The following PLEKHA5 variants were observed in gnomAD, a reference collection of about 807,000 sequenced individuals.
PLEKHA5 encodes the protein pleckstrin homology domain containing A5.
In PLEKHA5, 55 loss-of-function variants were observed where a neutral mutation model predicts 181.9. The observed-to-expected ratio is 0.30, with a 90% CI of 0.24 to 0.38. The LOEUF (loss-of-function observed/expected upper bound fraction) is 0.38. Ranked by LOEUF, PLEKHA5 falls within the 10% of genes least tolerant of loss-of-function variation. The probability of loss-of-function intolerance (pLI) is 1.00; values close to 1 mark genes in which losing one functional copy is unlikely to be tolerated. For synonymous variants in PLEKHA5, 535 were observed against 529.4 expected, an observed-to-expected ratio of 1.01 and a Z score of -0.15; for missense variants, 1,432 against 1,549.5, an observed-to-expected ratio of 0.92 and a Z score of 1.27.
At chr12:19,174,204 G>A (rs1025626335) in intron 3 of PLEKHA5, among the ~76,000 whole-genome samples, 2 of 152,138 alleles carry the variant, frequency 1.3e-5, no homozygotes, top group Non-Finnish European at 2.9e-5. Flanking sequence ...AAGGGGCATG[G>A]TACTATTCTG....
intron 3 of PLEKHA5, among the ~76,000 whole-genome samples, chr12:19,164,724 A>C (rs4486681): frequency 0.9 from 136,736 of 152,074 alleles, 62,094 homozygotes; most frequent in Non-Finnish European, 0.97. Flanking sequence ...TTATATCCTT[A>C]ATGTGTGCTT....
chr12:19,306,696 C>G, intron 15 of PLEKHA5: 1 of 1,470,238 alleles, frequency 6.8e-7, no homozygotes, highest in Non-Finnish European at 9.5e-7. Context: ...TGCGGACTCT[C>G]TTCGGTTTCC....
chr12:19,306,576 C>T, intron 15 of PLEKHA5: 2 of 791,618 alleles, frequency 2.5e-6, no homozygotes, highest in Non-Finnish European at 2.3e-6. Flanking sequence ...CCCAGCACTG[C>T]GGATCCGGGC....
intron 16 of PLEKHA5, among the ~76,000 whole-genome samples, chr12:19,315,418 G>A (rs756989567): frequency 6.3e-4 from 96 of 152,094 alleles, no homozygotes; most frequent in Non-Finnish European, 1.0e-3. Context: ...GTATTTTGTC[G>A]CTGTATTCTT....
chr12:19,332,354 G>A (rs1177916842), intron 20 of PLEKHA5, among the ~76,000 whole-genome samples: 2 of 152,256 alleles, frequency 1.3e-5, no homozygotes, highest in East Asian at 3.9e-4. Context: ...CATGTTCTCA[G>A]AAAAGCACAC....
intron 11 of PLEKHA5, among the ~76,000 whole-genome samples, chr12:19,277,379 GTATAAATAC>G (rs2074881609): frequency 6.6e-6 from 1 of 152,152 alleles, no homozygotes; most frequent in Non-Finnish European, 1.5e-5. Context: ...AAATTGTGAA[GTATAAATAC>G]TAGTTTTAGG....
chr12:19,334,854 ATATATATATATATATC>A (rs200952037), intron 20 of PLEKHA5, among the ~76,000 whole-genome samples: 6,171 of 77,552 alleles, frequency 0.08, 1,308 homozygotes, highest in Middle Eastern at 0.09. Flanking sequence ...ATATATATAT[ATATATATATATATATC>A]TCTGTATACG....
chr12:19,168,379 G>T (rs969407930), intron 3 of PLEKHA5, among the ~76,000 whole-genome samples: 2 of 152,152 alleles, frequency 1.3e-5, no homozygotes, highest in Admixed American at 6.5e-5. Flanking sequence ...TTCAGAGTTT[G>T]TATAACCAAA....
intron 21 of PLEKHA5, among the ~76,000 whole-genome samples, chr12:19,341,745 C>T (rs547458863): frequency 0.014 from 1,753 of 128,368 alleles, 26 homozygotes; most frequent in African/African-American, 0.046. Flanking sequence ...CTTTTTTTTT[C>T]CCCCTGTGAC....
chr12:19,268,617 A>G (rs1179568059), intron 8 of PLEKHA5, among the ~76,000 whole-genome samples: 2 of 152,222 alleles, frequency 1.3e-5, no homozygotes, highest in African/African-American at 2.4e-5. Context: ...GAACACAAGC[A>G]TGAAACTTAA....
At chr12:19,359,623 T>A (rs762562295) in intron 28 of PLEKHA5, 77 bp downstream of exon 28, 1 of 1,415,804 alleles carries the variant, frequency 7.1e-7, no homozygotes, top group Non-Finnish European at 9.9e-7. Flanking sequence ...AGGTTGAAAA[T>A]AAAGTGTGTT....
At chr12:19,167,521 A>G (rs1286946233) in intron 3 of PLEKHA5, among the ~76,000 whole-genome samples, 4 of 146,112 alleles carry the variant, frequency 2.7e-5, no homozygotes, top group African/African-American at 1.0e-4. Flanking sequence ...AGGTTTTGAA[A>G]TCCTGTCTCT....
At chr12:19,167,844 A>G (rs1029849188) in intron 3 of PLEKHA5, among the ~76,000 whole-genome samples, 5 of 151,924 alleles carry the variant, frequency 3.3e-5, no homozygotes, top group Non-Finnish European at 7.4e-5. Flanking sequence ...ACCACTTGAT[A>G]TTTTCCTCTT....
chr12:19,331,553 G>A (rs184677806), intron 20 of PLEKHA5, among the ~76,000 whole-genome samples: 7 of 152,138 alleles, frequency 4.6e-5, no homozygotes, highest in Middle Eastern at 3.4e-3. Context: ...CTATATAGCC[G>A]TCTAGCTAAA....
chr12:19,261,168 TATC>T lies in PLEKHA5; in HGVS notation c.610+150_610+152del, dbSNP rs2068371106. 2.6e-5 allele frequency: 13 copies of T among 490,836 alleles called. No individual in the cohort carries two copies. The South Asian group carries it at 4.3e-4, about 16-fold the overall frequency. 30.4% of individuals were successfully genotyped at this position (490,836 alleles called of 1,614,324 possible). ...CAAACAGATTTTTTCTCCTTTGACA[TATC>T]ATTCTGAGTTTTGGGGTTATGATAG... On this transcript the variant is annotated intron_variant, in intron 7 of 31. Coordinates refer to ENST00000429027, the MANE Select transcript of PLEKHA5 (RefSeq NM_001256470.2).
intron 4 of PLEKHA5, 43 bp from the exon 5 acceptor site, chr12:19,255,002 T>C: frequency 6.4e-7 from 1 of 1,555,492 alleles, no homozygotes; most frequent in Non-Finnish European, 8.8e-7. Context: ...ATAAAGCGGG[T>C]TACATACACA....
At chr12:19,205,081 T>A (rs1200603732) in intron 3 of PLEKHA5, among the ~76,000 whole-genome samples, 2 of 152,106 alleles carry the variant, frequency 1.3e-5, no homozygotes, top group African/African-American at 4.8e-5. Context: ...CATTTCCAGT[T>A]AAATGAACCA....
At chr12:19,285,817 G>T (rs2077099001) in intron 12 of PLEKHA5, among the ~76,000 whole-genome samples, 1 of 152,186 alleles carries the variant, frequency 6.6e-6, no homozygotes, top group Non-Finnish European at 1.5e-5. Flanking sequence ...TACTTGTGAT[G>T]AAATGGTAAA....
intron 20 of PLEKHA5, among the ~76,000 whole-genome samples, chr12:19,335,862 G>T (rs1346703001): frequency 6.6e-6 from 1 of 152,028 alleles, no homozygotes; most frequent in Non-Finnish European, 1.5e-5. Flanking sequence ...AAACTGCTGA[G>T]CTCAAGTGAT....
Sources: gnomAD v4.1 joint callset for allele counts (sites outside exome capture counted in the v4.1 genomes callset) on GRCh38, gnomAD v4.1.1 for gene constraint, MANE v1.5 for transcripts, NCBI Gene and HGNC (gene_info 2026-07-23, HGNC 2026-07-21) for gene names.